The following WFDC11 variants were observed in gnomAD, a reference collection of about 807,000 sequenced individuals.
WFDC11 encodes protein WFDC11.
In WFDC11, 9 loss-of-function variants were observed where a neutral mutation model predicts 9.9. The ratio of observed to expected loss-of-function variants is 0.91; its 90% confidence interval spans 0.55 to 1.58. The LOEUF is 1.58. Among genes scored for constraint, WFDC11 ranks in the 40% most tolerant of loss-of-function variants. The pLI is 0.00. For missense variants in WFDC11, 106 were observed against 101.7 expected (o/e 1.04, Z -0.18); for synonymous variants, 32 against 33.3 (o/e 0.96, Z 0.13).
intron 2 of WFDC11, among the ~76,000 whole-genome samples, chr20:45,658,686 G>A (rs756259337): frequency 1.1e-4 from 17 of 150,854 alleles, no homozygotes; most frequent in Admixed American, 6.6e-5. Flanking sequence ...GTATTTTTTT[G>A]TTTCAATTTC....
At chr20:45,651,309 T>C (rs1267745552) in intron 2 of WFDC11, among the ~76,000 whole-genome samples, 1 of 152,234 alleles carries the variant, frequency 6.6e-6, no homozygotes, top group Non-Finnish European at 1.5e-5. Context: ...AACTTTATGA[T>C]GGTGCAAAAG....
intron 2 of WFDC11, among the ~76,000 whole-genome samples, chr20:45,662,615 G>T (rs1983095252): frequency 6.6e-6 from 1 of 152,178 alleles, no homozygotes; most frequent in Non-Finnish European, 1.5e-5. Context: ...TTTATTAAAA[G>T]TTTTTAGCAT....
intron 4 of WFDC11, 77 bp downstream of exon 4, chr20:45,649,180 G>C: frequency 1.3e-6 from 2 of 1,557,138 alleles, no homozygotes; most frequent in South Asian, 1.2e-5. Context: ...TCAGTCTTCT[G>C]TTTAGGAATA....
At chr20:45,659,467 G>T (rs1313486803) in intron 2 of WFDC11, among the ~76,000 whole-genome samples, 3 of 152,230 alleles carry the variant, frequency 2.0e-5, no homozygotes, top group Non-Finnish European at 4.4e-5. Context: ...GACCAGTGAT[G>T]ACGAGCTTTT....
At chr20:45,665,049 C>T (rs1319261235) in intron 2 of WFDC11, among the ~76,000 whole-genome samples, 20 of 152,188 alleles carry the variant, frequency 1.3e-4, no homozygotes, top group Admixed American at 1.3e-3. Context: ...CTTTCAGGTA[C>T]ACCAATCAAA....
intron 2 of WFDC11, among the ~76,000 whole-genome samples, chr20:45,657,105 A>G (rs888568616): frequency 3.9e-5 from 6 of 152,254 alleles, no homozygotes; most frequent in South Asian, 2.1e-4. Flanking sequence ...AGGATTATAA[A>G]TCATGCTGCT....
At chr20:45,649,685 A>G (rs1193024396) in intron 3 of WFDC11, among the ~76,000 whole-genome samples, 2 of 152,186 alleles carry the variant, frequency 1.3e-5, no homozygotes, top group East Asian at 1.9e-4. Flanking sequence ...TCCCAACGAT[A>G]AAACTCAGTC....
chr20:45,658,907 AC>A (rs373884229), intron 2 of WFDC11, among the ~76,000 whole-genome samples: 65 of 131,116 alleles, frequency 5.0e-4, no homozygotes, highest in Non-Finnish European at 8.4e-4. Flanking sequence ...TGTGATGCCC[AC>A]CCCCCCGTCC....
chr20:45,667,958 T>C (rs1183850664), intron 1 of WFDC11, among the ~76,000 whole-genome samples: 1 of 152,240 alleles, frequency 6.6e-6, no homozygotes, highest in African/African-American at 2.4e-5. Flanking sequence ...ACCAATACTC[T>C]CAGTGACCCA....
chr20:45,654,322 T>G (rs1982874306), intron 2 of WFDC11, among the ~76,000 whole-genome samples: 1 of 152,214 alleles, frequency 6.6e-6, no homozygotes, highest in African/African-American at 2.4e-5. Context: ...AACCTGCTCC[T>G]GAATGACTAC....
rs1366040673 is a variant in WFDC11 at position 45,648,679 on chromosome 20, C to G, written c.*40G>C. On this transcript the variant is annotated 3_prime_UTR_variant, in exon 5 of 5. Coordinates refer to ENST00000324384, the MANE Select transcript of WFDC11 (RefSeq NM_147197.2). ...TACTATGAGACCTCTTAAACATTTC[C>G]CAGCCCACACAGGTGGCAGCCTGGT... 2 of 1,613,226 alleles carry G rather than the reference C, an allele frequency of 1.2e-6. No individual in the cohort carries two copies. The highest frequency in any genetic ancestry group is 1.7e-6 in the Non-Finnish European group (2 of 1,179,394).
At chr20:45,650,773 G>A (rs1250549725) in intron 2 of WFDC11, 122 bp from the exon 3 acceptor site, 3 of 542,264 alleles carry the variant, frequency 5.5e-6, no homozygotes, top group Non-Finnish European at 9.7e-6. Context: ...CCAACAACTG[G>A]CACACCTAAG....
intron 2 of WFDC11, among the ~76,000 whole-genome samples, chr20:45,663,559 C>T (rs1983120634): frequency 6.6e-6 from 1 of 152,162 alleles, no homozygotes; most frequent in African/African-American, 2.4e-5. Context: ...CTCTTGTGGG[C>T]ATTTAGTGCT....
At chr20:45,654,382 A>G (rs550882771) in intron 2 of WFDC11, among the ~76,000 whole-genome samples, 3 of 152,206 alleles carry the variant, frequency 2.0e-5, no homozygotes, top group East Asian at 1.9e-4. Context: ...TTTGAAACCA[A>G]TGAGAACAAA....
rs150830205 is a variant in WFDC11, at chr20:45,666,330, C to T, written c.-52+758G>A. ...CTGATTTTCCAGGTACCATCTGTCA[C>T]GGCTTCCCTTGGCTAGTAAAGGGAA... On this transcript the variant is annotated intron_variant, in intron 2 of 4. Coordinates refer to ENST00000324384, the MANE Select transcript of WFDC11 (RefSeq NM_147197.2). 1.3e-3 allele frequency among the ~76,000 whole-genome samples: 203 copies of T among 152,210 alleles called. 3 individuals carry two copies. Among genetic ancestry groups the T allele is most frequent in the Non-Finnish European group, 2.3e-3 (157 of 68,004 alleles).
At position 45,648,695 on chromosome 20, in the gene WFDC11, G is replaced by A. The variant is rs1982733810; in HGVS notation, c.*24C>T. The A allele has an allele frequency of 5.0e-6, 8 of 1,613,924 alleles. No homozygotes were observed. Among genetic ancestry groups the A allele is most frequent in the Non-Finnish European group, 6.8e-6 (8 of 1,179,786 alleles). ...AAACATTTCCCAGCCCACACAGGTG[G>A]CAGCCTGGTGGGAAGCTACGGTTTT... On this transcript the variant is annotated 3_prime_UTR_variant, in exon 5 of 5. Transcript: ENST00000324384.
chr20:45,667,068 G>T lies in WFDC11; in HGVS notation c.-52+20C>A, dbSNP rs4812951. The stretch of plus-strand genomic sequence containing the variant: ...TTACAGGCTCACACTTCCAGCCCCA[G>T]GACCCTGACCCCCACCTACCTTTGA... On this transcript the variant is annotated intron_variant, in intron 2 of 4. Coordinates refer to ENST00000324384, the MANE Select transcript of WFDC11 (RefSeq NM_147197.2). 1,348 of 152,378 alleles carry T rather than the reference G, an allele frequency of 8.8e-3. 54 individuals are homozygous for T. Among genetic ancestry groups the T allele is most frequent in the Admixed American group, 0.079 (1,207 of 15,284 alleles). The allele number at this position is 152,378 out of a possible 1,614,324, so 9.4% of individuals were successfully genotyped here.
At chr20:45,659,927 A>G (rs1487815367) in intron 2 of WFDC11, among the ~76,000 whole-genome samples, 1 of 152,202 alleles carries the variant, frequency 6.6e-6, no homozygotes, top group Non-Finnish European at 1.5e-5. Flanking sequence ...AACCTCCTGC[A>G]TATGGCTGGC....
At chr20:45,650,955 T>A (rs1376321383) in intron 2 of WFDC11, among the ~76,000 whole-genome samples, 1 of 152,194 alleles carries the variant, frequency 6.6e-6, no homozygotes, top group African/African-American at 2.4e-5. Context: ...CATGTGAAGG[T>A]TTGTTACACA....
Sources: allele counts gnomAD v4.1 joint callset (sites outside exome capture counted in the v4.1 genomes callset), GRCh38; gene constraint gnomAD v4.1.1; transcripts MANE v1.5; gene names NCBI Gene and HGNC (gene_info 2026-07-23, HGNC 2026-07-21).